Variants in E4F1 observed in about 807,000 individuals in gnomAD.
The protein encoded by E4F1 is E4F transcription factor 1.
A neutral mutation model predicts 72.9 loss-of-function variants in E4F1; 30 were observed. The ratio of observed to expected loss-of-function variants is 0.41; its 90% CI spans 0.31 to 0.56. The LOEUF (loss-of-function observed/expected upper bound fraction) is 0.56, where lower values mean the gene tolerates loss of function less well. Among genes scored for constraint, E4F1 ranks in the 20% least tolerant of loss-of-function variants. The pLI is 0.25. For missense variants in E4F1, 1,091 were observed against 1,117.5 expected (o/e 0.98, Z 0.34); for synonymous variants, 542 against 478.2 (o/e 1.13, Z -1.74).
Position 2,223,654 on chromosome 16 carries a change from C to CGGCAGAAGCCCA in E4F1, c.45_56dup (p.Gln18_Ala21dup). Reference sequence around the variant, plus strand: ...GCAGTGCGGGTGACGGCCGCTCATACGGCAGAAGCCCAGGCCGAAGCCGGG... The same window carrying CGGCAGAAGCCCA: ...GCAGTGCGGGTGACGGCCGCTCATACGGCAGAAGCCCAGGCAGAAGCCCAGGCCGAAGCCGGG... On this transcript the variant is annotated inframe_insertion, in exon 1 of 14. Transcript: ENST00000301727. 1 of 1,588,918 alleles carries CGGCAGAAGCCCA rather than the reference C, an allele frequency of 6.3e-7. No individual in the cohort carries two copies. The highest frequency in any genetic ancestry group is 8.5e-7 in the Non-Finnish European group (1 of 1,173,722).
chr16:2,228,335 G>A (rs760939454), intron 1 of E4F1, 37 bp from the exon 2 acceptor site: 7 of 1,612,514 alleles, frequency 4.3e-6, no homozygotes, highest in African/African-American at 4.0e-5. Flanking sequence ...CCCAGCCTCC[G>A]CCTTCCCAGG....
Position 2,234,264 on chromosome 16 carries a change from G to A in E4F1, c.1469G>A (p.Arg490His), listed in dbSNP as rs767398028. ...KHQEVHVRER[R>H]FRCGDCGKLY... ...CAGGAGGTGCACGTGCGTGAGCGCC[G>A]CTTCCGCTGTGGCGACTGCGGGAAG... The change falls in exon 10 of 14, where the codon CGC (arginine) becomes CAC (histidine). Residue 490 changes from arginine (R) to histidine (H), a missense_variant. By Grantham distance (29) the Arg-to-His change is conservative. This residue lies in a region of E4F1 where 622 missense variants were observed against 628.0 expected (regional missense o/e 0.99). Coordinates refer to ENST00000301727, the MANE Select transcript of E4F1 (RefSeq NM_004424.5). The A allele has an allele frequency of 3.2e-5, 51 of 1,612,800 alleles. No homozygotes were observed. In the South Asian group the frequency reaches 3.5e-4, roughly 11 times the overall value.
Position 2,234,899 on chromosome 16 carries a change from G to C in E4F1, c.1833G>C (p.Glu611Asp). ...LLEVEELLVS[E>D]DSPAAATTVL... is the part of the protein sequence containing the mutation. ...AGGTGGAGGAGTTGCTGGTGTCTGA[G>C]GACAGCCCCGCGGCAGCCACCACCG... Residue 611 changes from glutamate to aspartate, a missense_variant, in exon 12 of 14, where the codon GAG (glutamate) becomes GAC (aspartate). Glu to Asp is a conservative substitution (Grantham distance 45). This residue lies in a region of E4F1 where 622 missense variants were observed against 628.0 expected (regional missense o/e 0.99). Transcript: ENST00000301727. 3 of 1,551,478 alleles carry C rather than the reference G, an allele frequency of 1.9e-6. No individual in the cohort carries two copies. Among genetic ancestry groups the C allele is most frequent in the Non-Finnish European group, 2.6e-6 (3 of 1,147,594 alleles).
intron 1 of E4F1, among the ~76,000 whole-genome samples, chr16:2,227,236 GTC>G (rs1383172337): frequency 1.3e-5 from 2 of 152,076 alleles, no homozygotes; most frequent in East Asian, 1.9e-4. Context: ...TTGAGATGGA[GTC>G]TCTCTCTGTT....
intron 2 of E4F1, among the ~76,000 whole-genome samples, chr16:2,228,776 CTCT>C: frequency 6.6e-6 from 1 of 152,206 alleles, no homozygotes; most frequent in Middle Eastern, 3.2e-3. Flanking sequence ...GGGCCGGGAT[CTCT>C]TCTTTCTTGG....
rs1316610361 is a variant in E4F1 at position 2,232,574 on chromosome 16, C to T, written c.728C>T (p.Thr243Met). The change falls in exon 5 of 14, where the codon ACG becomes ATG. Residue 243 changes from threonine to methionine, a missense_variant and splice_region_variant. Coordinates refer to ENST00000301727, the MANE Select transcript of E4F1 (RefSeq NM_004424.5). Reference sequence around the variant, plus strand: ...CTCATCCGGCACCACCGGCGGCACACGGGTGAGCTGGCCGCACCTCGGGCT... The same window carrying T: ...CTCATCCGGCACCACCGGCGGCACATGGGTGAGCTGGCCGCACCTCGGGCT... The part of the protein sequence containing the change: ...GSLIRHHRRH[T>M]DERPYKCSKC... 45 of 1,611,894 alleles carry T rather than the reference C, an allele frequency of 2.8e-5. No homozygotes were observed. The highest frequency in any genetic ancestry group is 4.5e-5 in the East Asian group (2 of 44,854).
In E4F1 at chr16:2,232,321, A is replaced by G. The variant is rs768357528; in HGVS notation, c.566A>G (p.Asp189Gly). The G allele has an allele frequency of 3.7e-6, 6 of 1,609,444 alleles. No individual in the cohort carries two copies. Among genetic ancestry groups the G allele is most frequent in the Non-Finnish European group, 5.1e-6 (6 of 1,178,018 alleles). The stretch of plus-strand genomic sequence containing the variant: ...CAGGTGAAGCTACTGGTGAACAAGG[A>G]TGGCCGCTATGTGTGTGCGCTGTGC... ...QAQVKLLVNK[D>G]GRYVCALCHK... is the part of the protein sequence containing the mutation. The change falls in exon 4 of 14, where the codon GAT becomes GGT. Residue 189 changes from aspartate (D) to glycine (G), a missense_variant. Asp to Gly is a moderately conservative substitution (Grantham distance 94, BLOSUM62 -1). Coordinates refer to ENST00000301727, the MANE Select transcript of E4F1 (RefSeq NM_004424.5).
In E4F1 at chr16:2,234,651, T is replaced by A. The variant is rs1299292394; in HGVS notation, c.1662T>A (p.Arg554=). 1 of 1,598,548 alleles carries A rather than the reference T, an allele frequency of 6.3e-7. No homozygotes were observed. The highest frequency in any genetic ancestry group is 1.7e-5 in the Admixed American group (1 of 58,538). Residue 554 remains arginine (R), a synonymous_variant, in exon 11 of 14, where the codon CGT becomes CGA. Coordinates refer to ENST00000301727, the MANE Select transcript of E4F1 (RefSeq NM_004424.5). ...CGCACGTGTGCCAGTTCTGCAGCCG[T>A]GGCTTCCGAGAGAAGGGCTCACTGG... The part of the protein sequence containing the change: ...EKPHVCQFCS[R]GFREKGSLVR...
intron 1 of E4F1, among the ~76,000 whole-genome samples, chr16:2,225,237 T>C (rs1033478796): frequency 3.9e-5 from 6 of 152,110 alleles, no homozygotes; most frequent in Admixed American, 3.9e-4. Flanking sequence ...TTGTGTGTCA[T>C]GTGCCGAGAG....
At position 2,234,571 on chromosome 16, in the gene E4F1, G is replaced by A; in HGVS notation, c.1594-12G>A. The A allele has an allele frequency of 1.3e-6, 2 of 1,572,916 alleles. No individual in the cohort carries two copies. Among genetic ancestry groups the A allele is most frequent in the South Asian group, 1.2e-5 (1 of 86,886 alleles). ...GCCAAGGCCAGGCTGGCACTGACAG[G>A]TGTCTCCACAGAACGCACAGCAGGT... On this transcript the variant is annotated splice_polypyrimidine_tract_variant and intron_variant, in intron 10 of 13. Transcript: ENST00000301727.
chr16:2,232,668 TGAGGCGGGG>T, intron 5 of E4F1, 79 bp from the exon 6 acceptor site: 1 of 1,604,866 alleles, frequency 6.2e-7, no homozygotes, highest in Non-Finnish European at 8.5e-7. Context: ...CTTTGGGGGA[TGAGGCGGGG>T]GCCCCTGCCT....
At chr16:2,234,095 G>T in intron 9 of E4F1, 76 bp from the exon 10 acceptor site, 1 of 1,570,830 alleles carries the variant, frequency 6.4e-7, no homozygotes, top group Non-Finnish European at 8.6e-7. Flanking sequence ...GGAGCCAGGG[G>T]ATCTGTGGGC....
Position 2,232,779 on chromosome 16 carries a change from A to G in E4F1, c.754A>G (p.Lys252Glu). The G allele has an allele frequency of 6.2e-7, 1 of 1,613,328 alleles. No individual in the cohort carries two copies. The highest frequency in any genetic ancestry group is 8.5e-7 in the Non-Finnish European group (1 of 1,180,014). Residue 252 changes from lysine to glutamate, a missense_variant, in exon 6 of 14, where the codon AAG (lysine) becomes GAG (glutamate). By Grantham distance (56) the Lys-to-Glu change is moderately conservative. Around this residue, in one of 5 missense-constraint regions of E4F1, gnomAD observed 362 missense variants for 358.6 expected, o/e 1.01. Transcript: ENST00000301727. ...AGATGAGCGCCCCTACAAGTGCTCC[A>G]AGTGTGGAAAGAGCTTCCGGGAGTC... ...HTDERPYKCS[K>E]CGKSFRESGA... is the part of the protein sequence containing the mutation.
At chr16:2,227,741 T>TA (rs2093440551) in intron 1 of E4F1, among the ~76,000 whole-genome samples, 1 of 152,006 alleles carries the variant, frequency 6.6e-6, no homozygotes, top group Non-Finnish European at 1.5e-5. Context: ...CCTCAGGTGA[T>TA]ACACCTGTCT....
At chr16:2,226,549 C>T (rs767358936) in intron 1 of E4F1, among the ~76,000 whole-genome samples, 6 of 152,330 alleles carry the variant, frequency 3.9e-5, no homozygotes, top group Admixed American at 1.3e-4. Flanking sequence ...TGCCCAGCTC[C>T]TTCGGGCATC....
chr16:2,227,364 C>T (rs946042741), intron 1 of E4F1, among the ~76,000 whole-genome samples: 7 of 151,992 alleles, frequency 4.6e-5, no homozygotes, highest in Non-Finnish European at 1.0e-4. Flanking sequence ...CATGCGCCAC[C>T]AAGCCTGGCT....
rs769614432 is a variant in E4F1 at position 2,232,392 on chromosome 16, G to A, written c.609+28G>A. On this transcript the variant is annotated intron_variant, in intron 4 of 13. Coordinates refer to ENST00000301727, the MANE Select transcript of E4F1 (RefSeq NM_004424.5). ...GAGCCGGCGTGCGGGGAGCCAGTGT[G>A]TGGGTGGCAGGCCCCCTCCTGTTCC... 1.9e-6 allele frequency: 3 copies of A among 1,602,340 alleles called. No homozygotes were observed. In the Admixed American group the frequency reaches 5.1e-5, roughly 27 times the overall value.
chr16:2,234,792 G>A lies in E4F1; in HGVS notation c.1792+11G>A, dbSNP rs1596772745. ...ACCTGCGCACCAAAGGTCTGGGCCG[G>A]TGGAGGTGGGAGGGGGAGGGGAGGG... On this transcript the variant is annotated intron_variant, in intron 11 of 13. Transcript: ENST00000301727. 4.5e-6 allele frequency: 7 copies of A among 1,545,122 alleles called. No homozygotes were observed. In the East Asian group the frequency reaches 1.5e-4, roughly 32 times the overall value.
At position 2,235,671 on chromosome 16, in the gene E4F1, T is replaced by C; in HGVS notation, c.*99T>C. On this transcript the variant is annotated 3_prime_UTR_variant, in exon 14 of 14. Transcript: ENST00000301727. Reference sequence around the variant, plus strand: ...GCCTGGTAGAGAAGATGGCACAGGATGGAGGCGCCCCAAGACGGACAGTGT... The same window carrying C: ...GCCTGGTAGAGAAGATGGCACAGGACGGAGGCGCCCCAAGACGGACAGTGT... 9.7e-7 allele frequency: 1 copy of C among 1,033,974 alleles called. No homozygotes were observed. The highest frequency in any genetic ancestry group is 1.4e-6 in the Non-Finnish European group (1 of 726,286). 64.0% of individuals were successfully genotyped at this position (1,033,974 alleles called of 1,614,324 possible). A position where few individuals can be genotyped will look rare whatever the true frequency, so the allele number is the denominator to read the frequency against.
Sources: gnomAD v4.1 joint callset for allele counts (sites outside exome capture counted in the v4.1 genomes callset) on GRCh38, gnomAD v4.1.1 for gene constraint, gnomAD v4.1.1 regional missense constraint, MANE v1.5 for transcripts, NCBI Gene and HGNC (gene_info 2026-07-23, HGNC 2026-07-21) for gene names.